PIK3C2G: variants seen among roughly 807,000 people sequenced by gnomAD.
PIK3C2G encodes phosphatidylinositol 3-kinase C2 domain-containing subunit gamma.
In PIK3C2G, 168 loss-of-function variants were observed where a neutral mutation model predicts 181.1. That is an observed-to-expected ratio of 0.93 (90% CI 0.82 to 1.05). PIK3C2G has a LOEUF of 1.05. PIK3C2G is among the 50% of genes least tolerant of loss of function. The pLI is 0.00. For missense variants in PIK3C2G, 1,869 were observed against 1,732.8 expected, an observed-to-expected ratio of 1.08 and a Z score of -1.40; for synonymous variants, 573 against 592.2, an observed-to-expected ratio of 0.97 and a Z score of 0.47.
chr12:18,451,304 T>C (rs1213353460), intron 18 of PIK3C2G, among the ~76,000 whole-genome samples: 1 of 152,174 alleles, frequency 6.6e-6, no homozygotes, highest in Non-Finnish European at 1.5e-5. Flanking sequence ...CCCTTGTAAG[T>C]TATATTCCTA....
chr12:18,714,721 G>A, the PIK3C2G span: 1 of 152,188 alleles, frequency 6.6e-6, no homozygotes, highest in Non-Finnish European at 1.5e-5. Context: ...ATTTGGCAAT[G>A]TCTGGAGACA....
intron 20 of PIK3C2G, 129 bp from the exon 21 acceptor site, chr12:18,495,933 C>T: frequency 2.0e-6 from 1 of 502,740 alleles, no homozygotes; most frequent in South Asian, 3.5e-5. Flanking sequence ...AAAAATTATT[C>T]ATATGTGTTA....
the PIK3C2G span, among the ~76,000 whole-genome samples, chr12:18,712,203 A>G: frequency 6.6e-6 from 1 of 152,160 alleles, no homozygotes; most frequent in Non-Finnish European, 1.5e-5. Flanking sequence ...AAACAACACA[A>G]TGTCTGAAGG....
intron 18 of PIK3C2G, among the ~76,000 whole-genome samples, chr12:18,454,457 C>T (rs567050235): frequency 1.5e-4 from 23 of 152,174 alleles, no homozygotes; most frequent in African/African-American, 5.5e-4. Context: ...TTAGAGTGTG[C>T]TTAGCAATGT....
chr12:18,344,354 G>A (rs1445516854), intron 10 of PIK3C2G, among the ~76,000 whole-genome samples: 2 of 152,058 alleles, frequency 1.3e-5, no homozygotes, highest in African/African-American at 4.8e-5. Context: ...TTAAGTTTGA[G>A]GAACTCCCCC....
At chr12:18,574,193 T>A (rs2136390130) in intron 29 of PIK3C2G, among the ~76,000 whole-genome samples, 1 of 152,322 alleles carries the variant, frequency 6.6e-6, no homozygotes, top group South Asian at 2.1e-4. Flanking sequence ...AGACACAGGA[T>A]CTTTTAGTGA....
downstream of PIK3C2G, among the ~76,000 whole-genome samples, chr12:18,651,166 G>A (rs2136893010): frequency 6.6e-6 from 1 of 151,950 alleles, no homozygotes; most frequent in East Asian, 2.0e-4. Flanking sequence ...TGTATCTCCT[G>A]GACACTCCAG....
intron 18 of PIK3C2G, among the ~76,000 whole-genome samples, chr12:18,441,575 G>A (rs995513667): frequency 6.6e-6 from 1 of 152,122 alleles, no homozygotes; most frequent in Non-Finnish European, 1.5e-5. Context: ...TACATAGTAA[G>A]AGGAGAAAAT....
chr12:18,328,553 A>C lies in PIK3C2G; in HGVS notation c.1272+3455A>C, dbSNP rs552347875. On this transcript the variant is annotated intron_variant, in intron 8 of 32. Coordinates refer to ENST00000538779, the MANE Select transcript of PIK3C2G (RefSeq NM_001288772.2). ...CTAATGGTAGTCTAAAACAAAATTT[A>C]GGAGCAGAGATTCCAAAGTCAGATA... is the stretch of plus-strand genomic sequence containing the variant. Among the ~76,000 whole-genome samples, 4 of 152,130 alleles carry C rather than the reference A, an allele frequency of 2.6e-5. No homozygotes were observed. In the South Asian group the frequency reaches 6.2e-4, roughly 24 times the overall value.
At chr12:18,615,279 T>G (rs2136632324) in intron 31 of PIK3C2G, among the ~76,000 whole-genome samples, 1 of 151,914 alleles carries the variant, frequency 6.6e-6, no homozygotes, top group South Asian at 2.1e-4. Flanking sequence ...CCATGCAGGT[T>G]TCTGCCAATG....
chr12:18,385,571 T>G (rs937100467), intron 14 of PIK3C2G, among the ~76,000 whole-genome samples: 11 of 151,870 alleles, frequency 7.2e-5, no homozygotes, highest in Admixed American at 4.6e-4. Flanking sequence ...TGTTTCTTTA[T>G]TATTATTATT....
the PIK3C2G span, chr12:18,705,244 G>T: frequency 2.5e-6 from 4 of 1,614,022 alleles, no homozygotes; most frequent in Non-Finnish European, 3.4e-6. Flanking sequence ...CCTGCAAATT[G>T]TCTGCCATTA....
chr12:18,593,671 G>T (rs994044046), intron 29 of PIK3C2G, among the ~76,000 whole-genome samples: 2 of 151,838 alleles, frequency 1.3e-5, no homozygotes, highest in South Asian at 2.1e-4. Flanking sequence ...CAAAATGTAT[G>T]CCAGTTTTAC....
At chr12:18,346,591 G>C (rs777149460) in intron 10 of PIK3C2G, 50 bp from the exon 11 acceptor site, 1 of 1,070,544 alleles carries the variant, frequency 9.3e-7, no homozygotes, top group African/African-American at 1.6e-5. Context: ...GATGGCCTAT[G>C]ATAAATATGG....
rs950366217 is a variant in PIK3C2G, at chr12:18,520,974, T to G, written c.3323+15513T>G. ...GTTGTTGTTGCATTCTGTTTGTTTG[T>G]TTTTTTTCTTTTAATGGTCAGGTCC... On this transcript the variant is annotated intron_variant, in intron 24 of 32. Transcript: ENST00000538779. Among the ~76,000 whole-genome samples, 6 of 152,064 alleles carry G rather than the reference T, an allele frequency of 3.9e-5. No individual in the cohort carries two copies. In the East Asian group the frequency reaches 9.7e-4, roughly 25 times the overall value.
At chr12:18,401,106 C>G (rs1944228158) in intron 16 of PIK3C2G, among the ~76,000 whole-genome samples, 1 of 152,216 alleles carries the variant, frequency 6.6e-6, no homozygotes, top group South Asian at 2.1e-4. Flanking sequence ...CAAGGCAAAA[C>G]AGATCATCTC....
chr12:18,660,607 C>T, the PIK3C2G span, among the ~76,000 whole-genome samples: 70 of 152,168 alleles, frequency 4.6e-4, no homozygotes, highest in African/African-American at 1.6e-3. Context: ...CCAGAAAAGA[C>T]CTTAGATTTA....
the PIK3C2G span, chr12:18,713,050 TAA>T: frequency 4.4e-6 from 7 of 1,579,518 alleles, no homozygotes; most frequent in East Asian, 1.6e-4. Flanking sequence ...ACCAAAGTAT[TAA>T]AATATTCCAA....
the PIK3C2G span, among the ~76,000 whole-genome samples, chr12:18,672,445 A>C: frequency 6.6e-6 from 1 of 152,182 alleles, no homozygotes; most frequent in South Asian, 2.1e-4. Flanking sequence ...TCTGGAATTA[A>C]AGTCAAATGA....
Sources: allele counts gnomAD v4.1 joint callset (sites outside exome capture counted in the v4.1 genomes callset), GRCh38; gene constraint gnomAD v4.1.1; transcripts MANE v1.5; gene names NCBI Gene and HGNC (gene_info 2026-07-23, HGNC 2026-07-21).